SYK: variants seen among roughly 807,000 people sequenced by gnomAD.
SYK encodes the protein tyrosine-protein kinase SYK.
Under a neutral mutation model 77.8 loss-of-function variants are expected in SYK, and 16 were observed. That is an observed-to-expected ratio of 0.21 (90% CI 0.14 to 0.31). The LOEUF (loss-of-function observed/expected upper bound fraction) is 0.31. Among genes scored for constraint, SYK ranks in the 10% least tolerant of loss-of-function variants. The probability of loss-of-function intolerance (pLI) is 1.00; values close to 1 mark genes in which losing one functional copy is unlikely to be tolerated. For missense variants in SYK, 529 were observed against 814.4 expected, an observed-to-expected ratio of 0.65 and a Z score of 4.26; for synonymous variants, 312 against 308.7, an observed-to-expected ratio of 1.01 and a Z score of -0.11.
chr9:90,867,096 C>T (rs1321394595), intron 6 of SYK, 35 bp from the exon 7 acceptor site: 1 of 1,611,726 alleles, frequency 6.2e-7, no homozygotes, highest in East Asian at 2.2e-5. Context: ...TTTTCTGAAA[C>T]ATTTACTGTT....
At chr9:90,842,994 C>G (rs1189524913) in intron 1 of SYK, among the ~76,000 whole-genome samples, 1 of 152,122 alleles carries the variant, frequency 6.6e-6, no homozygotes, top group Non-Finnish European at 1.5e-5. Context: ...GGCCGCCTTT[C>G]TTTTTGCTTC....
In SYK at chr9:90,862,184, G is replaced by A. The variant is rs188976791; in HGVS notation, c.579-22G>A. 3.8e-6 allele frequency: 6 copies of A among 1,590,244 alleles called. No homozygotes were observed. In the East Asian group the frequency reaches 1.1e-4, roughly 30 times the overall value. ...GGAGACTGGCGGGCCTGGGGATGATGCAGTTCCATCCTCTCTTCTAGGATC... is the reference window on the plus strand; with the variant it reads ...GGAGACTGGCGGGCCTGGGGATGATACAGTTCCATCCTCTCTTCTAGGATC... On this transcript the variant is annotated intron_variant, in intron 3 of 13. Transcript: ENST00000375754.
At chr9:90,846,257 C>T (rs948645235) in intron 3 of SYK, among the ~76,000 whole-genome samples, 1 of 152,140 alleles carries the variant, frequency 6.6e-6, no homozygotes, top group East Asian at 1.9e-4. Flanking sequence ...CTTGTTCCCT[C>T]GAGGGGGTCT....
chr9:90,887,789 C>T lies in SYK; in HGVS notation c.1622C>T (p.Pro541Leu), dbSNP rs1486347243. The change falls in exon 12 of 14, where the codon CCG becomes CTG. Residue 541 changes from proline (P) to leucine (L), a missense_variant. By Grantham distance (98) the Pro-to-Leu change is moderately conservative. Transcript: ENST00000375754. The stretch of plus-strand genomic sequence containing the variant: ...AAGTGGCCTGTCAAGTGGTACGCTC[C>T]GGAATGCATCAACTACTACAAGTTC... ...HGKWPVKWYAPECINYYKFSS... is the reference protein window; with the variant it reads ...HGKWPVKWYALECINYYKFSS... The T allele has an allele frequency of 1.9e-6, 3 of 1,613,440 alleles. No homozygotes were observed. The highest frequency in any genetic ancestry group is 2.5e-6 in the Non-Finnish European group (3 of 1,179,708).
At chr9:90,809,089 C>T (rs186879963) in intron 1 of SYK, among the ~76,000 whole-genome samples, 358 of 152,274 alleles carry the variant, frequency 2.4e-3, no homozygotes, top group African/African-American at 7.9e-3. Context: ...GTCATGGCTA[C>T]GTGAAGGAAC....
chr9:90,806,556 T>C (rs1451602325), intron 1 of SYK, among the ~76,000 whole-genome samples: 1 of 152,184 alleles, frequency 6.6e-6, no homozygotes, highest in Non-Finnish European at 1.5e-5. Context: ...ATTTGTTGAC[T>C]AAATATGTTT....
intron 11 of SYK, among the ~76,000 whole-genome samples, chr9:90,884,965 G>GTATATATA (rs57971781): frequency 1.2e-5 from 1 of 80,590 alleles, no homozygotes; most frequent in Non-Finnish European, 2.6e-5. Flanking sequence ...ACATATATGT[G>GTATATATA]TATATATATA....
At chr9:90,843,022 C>T (rs1034941084) in intron 1 of SYK, among the ~76,000 whole-genome samples, 2 of 152,124 alleles carry the variant, frequency 1.3e-5, no homozygotes, top group African/African-American at 4.8e-5. Flanking sequence ...TATTTATTTA[C>T]TGCAAGCAGT....
rs201868018 is a variant in SYK at position 90,877,555 on chromosome 9, A to G, written c.1182-16A>G. 6 of 1,613,878 alleles carry G rather than the reference A, an allele frequency of 3.7e-6. No homozygotes were observed. Among genetic ancestry groups the G allele is most frequent in the Non-Finnish European group, 5.1e-6 (6 of 1,179,856 alleles). On this transcript the variant is annotated splice_polypyrimidine_tract_variant and intron_variant, in intron 9 of 13. Transcript: ENST00000375754. ...CATTTTGGAAAGTTTCTTGTGTGTT[A>G]TGATTTCTCTTGCAGAGTTGTGAAA... is the stretch of plus-strand genomic sequence containing the variant.
chr9:90,830,581 CTTTTTTTT>C (rs57804863), intron 1 of SYK, among the ~76,000 whole-genome samples: 2 of 111,562 alleles, frequency 1.8e-5, no homozygotes, highest in African/African-American at 7.8e-5. Context: ...ACTCATTCCT[CTTTTTTTT>C]TTTTTTTTTT....
intron 3 of SYK, among the ~76,000 whole-genome samples, chr9:90,848,883 G>T (rs896241067): frequency 6.6e-6 from 1 of 152,228 alleles, no homozygotes; most frequent in African/African-American, 2.4e-5. Flanking sequence ...TTTCTGCTGC[G>T]TGGGGAGGAT....
chr9:90,854,649 G>A (rs1400426749), intron 3 of SYK, among the ~76,000 whole-genome samples: 1 of 152,190 alleles, frequency 6.6e-6, no homozygotes, highest in Admixed American at 6.5e-5. Context: ...CAGATAAAAA[G>A]CGCAGAAACC....
chr9:90,810,242 C>T (rs1825022773), intron 1 of SYK, among the ~76,000 whole-genome samples: 1 of 152,280 alleles, frequency 6.6e-6, no homozygotes, highest in Admixed American at 6.5e-5. Context: ...GTGGCTCCTT[C>T]CAAGGGTTGG....
chr9:90,844,367 C>A, intron 2 of SYK, 52 bp downstream of exon 2: 1 of 1,483,070 alleles, frequency 6.7e-7, no homozygotes, highest in African/African-American at 1.4e-5. Context: ...TGTGACCCCA[C>A]ACAGACTTCC....
At position 90,880,242 on chromosome 9, in the gene SYK, G is replaced by A. The variant is rs982361066; in HGVS notation, c.1581+1289G>A. Among the ~76,000 whole-genome samples, 5 of 152,172 alleles carry A rather than the reference G, an allele frequency of 3.3e-5. No individual in the cohort carries two copies. The East Asian group carries it at 7.7e-4, about 24-fold the overall frequency. On this transcript the variant is annotated intron_variant, in intron 11 of 13. Coordinates refer to ENST00000375754, the MANE Select transcript of SYK (RefSeq NM_003177.7). ...GACTGGTAGGTGATGGGGAATGGTG[G>A]ACCTCGGCCAGCAAAGGGACTGCAT... is the stretch of plus-strand genomic sequence containing the variant.
chr9:90,817,696 G>A (rs1825336929), intron 1 of SYK, among the ~76,000 whole-genome samples: 2 of 152,032 alleles, frequency 1.3e-5, no homozygotes, highest in African/African-American at 4.8e-5. Context: ...AAAGTCCTTT[G>A]CCATTTGTTT....
In SYK at chr9:90,864,579, T is replaced by C; in HGVS notation, c.718-10T>C. On this transcript the variant is annotated splice_polypyrimidine_tract_variant and intron_variant, in intron 4 of 13. Transcript: ENST00000375754. ...GGTATTTACCACTTTCTTACTTTTT[T>C]CTCTTTCAGCTAGTCGAGCATTATT... 1 of 1,613,028 alleles carries C rather than the reference T, an allele frequency of 6.2e-7. No individual in the cohort carries two copies. The highest frequency in any genetic ancestry group is 8.5e-7 in the Non-Finnish European group (1 of 1,179,090).
Position 90,878,809 on chromosome 9 carries a change from C to T in SYK, c.1437C>T (p.Ser479=). 1 of 1,613,904 alleles carries T rather than the reference C, an allele frequency of 6.2e-7. No homozygotes were observed. The highest frequency in any genetic ancestry group is 1.1e-5 in the South Asian group (1 of 91,070). The change falls in exon 11 of 14, where the codon TCC becomes TCT. Residue 479 remains serine, a synonymous_variant. Coordinates refer to ENST00000375754, the MANE Select transcript of SYK (RefSeq NM_003177.7). ...KNIIELVHQV[S]MGMKYLEESN... ...TCATAGAACTGGTTCATCAGGTTTC[C>T]ATGGGCATGAAGTACTTGGAGGAGA...
intron 13 of SYK, among the ~76,000 whole-genome samples, chr9:90,893,128 G>A (rs1828860847): frequency 6.6e-6 from 1 of 152,214 alleles, no homozygotes; most frequent in Non-Finnish European, 1.5e-5. Context: ...TGGGGCTGGG[G>A]CAGACAGGCA....
Sources: allele counts gnomAD v4.1 joint callset (sites outside exome capture counted in the v4.1 genomes callset), GRCh38; gene constraint gnomAD v4.1.1; transcripts MANE v1.5; gene names NCBI Gene and HGNC (gene_info 2026-07-23, HGNC 2026-07-21).